Variants in PDE4D observed in about 807,000 individuals in gnomAD.
The protein encoded by PDE4D is phosphodiesterase 4D, also known as 3',5'-cyclic-AMP phosphodiesterase 4D.
In PDE4D, 24 loss-of-function variants were observed where a neutral mutation model predicts 87.4. The ratio of observed to expected loss-of-function variants is 0.27; its 90% CI spans 0.20 to 0.39. PDE4D has a LOEUF of 0.39. PDE4D is among the 10% of genes least tolerant of loss of function. The pLI is 1.00. For synonymous variants in PDE4D, 384 were observed against 383.2 expected, an observed-to-expected ratio of 1.00 and a Z score of -0.02; for missense variants, 714 against 1,041.0, an observed-to-expected ratio of 0.69 and a Z score of 4.32.
chr5:60,132,788 C>T (rs187197564), intron 2 of PDE4D, among the ~76,000 whole-genome samples: 137 of 151,874 alleles, frequency 9.0e-4, no homozygotes, highest in African/African-American at 3.3e-3. Context: ...ACCCAGGAGG[C>T]GGAGGTTGCA....
chr5:59,979,691 A>T (rs1239028341), intron 3 of PDE4D, among the ~76,000 whole-genome samples: 2 of 152,164 alleles, frequency 1.3e-5, no homozygotes, highest in African/African-American at 2.4e-5. Flanking sequence ...AATTCCTCAG[A>T]TTTGAAATAA....
At chr5:60,474,398 C>T (rs527307053) in intron 1 of PDE4D, among the ~76,000 whole-genome samples, 3 of 151,666 alleles carry the variant, frequency 2.0e-5, no homozygotes, top group South Asian at 2.1e-4. Context: ...CTCCCAAACC[C>T]CCTCTTAATA....
chr5:59,683,591 C>T (rs1452980780), intron 1 of PDE4D, among the ~76,000 whole-genome samples: 2 of 152,238 alleles, frequency 1.3e-5, no homozygotes, highest in East Asian at 1.9e-4. Context: ...TATAACCACA[C>T]TGTACAGAAA....
chr5:60,376,947 C>CT (rs1761477287), intron 1 of PDE4D, among the ~76,000 whole-genome samples: 1 of 152,168 alleles, frequency 6.6e-6, no homozygotes, highest in Non-Finnish European at 1.5e-5. Flanking sequence ...TTGTGTTTTC[C>CT]TTTATAGCAA....
chr5:60,152,757 T>C (rs941363452), intron 2 of PDE4D, among the ~76,000 whole-genome samples: 16 of 152,158 alleles, frequency 1.1e-4, no homozygotes, highest in African/African-American at 1.9e-4. Context: ...CATTTGTTAT[T>C]GGTCTATTAA....
At chr5:60,399,521 CTT>C (rs754009255) in intron 1 of PDE4D, among the ~76,000 whole-genome samples, 6 of 152,198 alleles carry the variant, frequency 3.9e-5, no homozygotes, top group Admixed American at 6.5e-5. Flanking sequence ...CAGATTCTTT[CTT>C]TTTCAGACTC....
At chr5:59,607,718 A>G (rs1431945515) in intron 1 of PDE4D, among the ~76,000 whole-genome samples, 1 of 152,074 alleles carries the variant, frequency 6.6e-6, no homozygotes, top group African/African-American at 2.4e-5. Context: ...GAGGTACAAG[A>G]GATTCAAGAT....
chr5:59,189,243 TG>T (rs1554092715), intron 3 of PDE4D, among the ~76,000 whole-genome samples: 17 of 61,740 alleles, frequency 2.8e-4, no homozygotes, highest in South Asian at 8.3e-4. Context: ...TTTTTTTTTT[TG>T]TTTTTTTTGT....
intron 3 of PDE4D, among the ~76,000 whole-genome samples, chr5:59,916,983 T>TTTTC (rs1364795492): frequency 4.1e-5 from 5 of 121,824 alleles, no homozygotes; most frequent in African/African-American, 1.8e-4. Flanking sequence ...TTTTTTTTTT[T>TTTTC]AGTAGAGAGG....
intron 1 of PDE4D, among the ~76,000 whole-genome samples, chr5:59,228,451 A>G (rs901797221): frequency 6.7e-6 from 1 of 149,374 alleles, no homozygotes; most frequent in Non-Finnish European, 1.5e-5. Context: ...AAAAAAAAAA[A>G]CAAGCAAGCA....
intron 1 of PDE4D, chr5:59,430,491 C>T: frequency 4.3e-6 from 5 of 1,151,620 alleles, no homozygotes; most frequent in Non-Finnish European, 4.4e-6. Context: ...CTGGAAAGAA[C>T]ATGTCAGATA....
intron 5 of PDE4D, among the ~76,000 whole-genome samples, chr5:59,113,310 T>G (rs1773008414): frequency 6.6e-6 from 1 of 152,222 alleles, no homozygotes; most frequent in South Asian, 2.1e-4. Context: ...TGATATGAGA[T>G]TTGAATAATT....
chr5:59,248,221 A>G (rs1384652143), intron 1 of PDE4D, among the ~76,000 whole-genome samples: 1 of 149,796 alleles, frequency 6.7e-6, no homozygotes, highest in Non-Finnish European at 1.5e-5. Context: ...ATACCTCAAT[A>G]AGTTGTCCTG....
chr5:59,039,476 T>G, intron 5 of PDE4D: 1 of 985,832 alleles, frequency 1.0e-6, no homozygotes, highest in Non-Finnish European at 1.2e-6. Flanking sequence ...GCACTTGAAG[T>G]GAATGAATCA....
intron 1 of PDE4D, among the ~76,000 whole-genome samples, chr5:59,392,712 T>C (rs1384270760): frequency 6.6e-6 from 1 of 152,132 alleles, no homozygotes; most frequent in Admixed American, 6.6e-5. Flanking sequence ...AGGATATATC[T>C]ATACCCTCCT....
intron 1 of PDE4D, among the ~76,000 whole-genome samples, chr5:60,222,061 C>T (rs1744557787): frequency 6.6e-6 from 1 of 152,100 alleles, no homozygotes; most frequent in Non-Finnish European, 1.5e-5. Flanking sequence ...ATACATCATA[C>T]ACTCAATAGG....
rs572135672 is a variant in PDE4D at position 59,397,037 on chromosome 5, C to A, written c.456-181069G>T. On this transcript the variant is annotated intron_variant, in intron 1 of 14. Coordinates refer to ENST00000340635, the MANE Select transcript of PDE4D (RefSeq NM_001104631.2). ...CAATTCAACAAGAAGAGCTAACTAT[C>A]CTAAATATATATGCACCTGCAGGAG... Among the ~76,000 whole-genome samples the A allele has an allele frequency of 3.4e-3, 438 of 128,076 alleles. 20 individuals are homozygous for A. The highest frequency in any genetic ancestry group is 5.0e-3 in the Non-Finnish European group (297 of 59,564). 84.0% of individuals were successfully genotyped at this position (128,076 alleles called of 152,430 possible). A position where few individuals can be genotyped will look rare whatever the true frequency, so the allele number is the denominator to read the frequency against.
At chr5:59,298,011 G>A (rs916050602) in intron 1 of PDE4D, among the ~76,000 whole-genome samples, 1 of 151,976 alleles carries the variant, frequency 6.6e-6, no homozygotes, top group African/African-American at 2.4e-5. Flanking sequence ...CCTTGGGGTT[G>A]GTAGGAGAGG....
At chr5:60,333,589 C>T (rs1443578255) in intron 1 of PDE4D, among the ~76,000 whole-genome samples, 1 of 152,146 alleles carries the variant, frequency 6.6e-6, no homozygotes, top group Non-Finnish European at 1.5e-5. Flanking sequence ...TAATGTGTGG[C>T]CTGAACAAAG....
Sources: allele counts gnomAD v4.1 joint callset (sites outside exome capture counted in the v4.1 genomes callset), GRCh38; gene constraint gnomAD v4.1.1; transcripts MANE v1.5; gene names NCBI Gene and HGNC (gene_info 2026-07-23, HGNC 2026-07-21).